The following FYB1 variants were observed in gnomAD, a reference collection of about 807,000 sequenced individuals.
The protein encoded by FYB1 is FYN binding protein 1.
In FYB1, 41 loss-of-function variants were observed where a neutral mutation model predicts 94.1. That is an observed-to-expected ratio of 0.44 (90% CI 0.34 to 0.57). The LOEUF (loss-of-function observed/expected upper bound fraction) is 0.57, where lower values mean the gene tolerates loss of function less well. FYB1 is among the 20% of genes least tolerant of loss of function. The pLI is 0.02. For synonymous variants in FYB1, 367 were observed against 353.2 expected (o/e 1.04, Z -0.44); for missense variants, 1,050 against 976.8 (o/e 1.07, Z -1.00).
At chr5:39,182,055 A>G (rs1344703702) in intron 2 of FYB1, among the ~76,000 whole-genome samples, 3 of 152,110 alleles carry the variant, frequency 2.0e-5, no homozygotes, top group African/African-American at 7.2e-5. Flanking sequence ...TTCTTCCCAA[A>G]CATCAAAACC....
rs1554034801 is a variant in FYB1 at position 39,185,613 on chromosome 5, T to TATATATACATATATACATATATATAC, written c.1135+16212_1135+16213insGTATATATATGTATATATGTATATAT. The stretch of plus-strand genomic sequence containing the variant: ...ATATATATACATATATATACACATA[T>TATATATACATATATACATATATATAC]ATATATATACACACATATATATATA... On this transcript the variant is annotated intron_variant, in intron 2 of 18. Transcript: ENST00000512982. Among the ~76,000 whole-genome samples, 969 of 145,376 alleles carry TATATATACATATATACATATATATAC rather than the reference T, an allele frequency of 6.7e-3. 11 individuals carry two copies. The highest frequency in any genetic ancestry group is 0.024 in the African/African-American group (914 of 38,652).
chr5:39,190,264 A>C (rs1747237358), intron 2 of FYB1, among the ~76,000 whole-genome samples: 1 of 152,240 alleles, frequency 6.6e-6, no homozygotes, highest in Admixed American at 6.5e-5. Context: ...GGTTGAAGGA[A>C]TAAAAAAGAA....
intron 2 of FYB1, among the ~76,000 whole-genome samples, chr5:39,165,861 A>G (rs1207036506): frequency 6.6e-6 from 1 of 152,252 alleles, no homozygotes. Flanking sequence ...TGTGGCCAAC[A>G]AGAATATGAA....
At chr5:39,140,383 C>T (rs905079239) in intron 4 of FYB1, among the ~76,000 whole-genome samples, 3 of 152,078 alleles carry the variant, frequency 2.0e-5, no homozygotes, top group African/African-American at 7.2e-5. Context: ...AAATAAAGTG[C>T]TCAAACTCAA....
At chr5:39,130,647 A>G in intron 9 of FYB1, 35 bp from the exon 10 acceptor site, 1 of 1,498,014 alleles carries the variant, frequency 6.7e-7, no homozygotes, top group African/African-American at 1.4e-5. Context: ...AAGTTAATCT[A>G]TGAATTACTT....
intron 1 of FYB1, among the ~76,000 whole-genome samples, chr5:39,237,529 A>G (rs1483013812): frequency 6.6e-6 from 1 of 152,082 alleles, no homozygotes; most frequent in Admixed American, 6.6e-5. Context: ...AATCAATAAG[A>G]TATCATCATT....
At chr5:39,223,259 C>A (rs939156009), upstream of FYB1, among the ~76,000 whole-genome samples, 2 of 151,860 alleles carry the variant, frequency 1.3e-5, no homozygotes, top group East Asian at 1.9e-4. Flanking sequence ...TTTAAGACAC[C>A]GTATAGTAGT....
At chr5:39,199,789 T>C (rs1239476356) in intron 2 of FYB1, among the ~76,000 whole-genome samples, 1 of 152,166 alleles carries the variant, frequency 6.6e-6, no homozygotes, top group Non-Finnish European at 1.5e-5. Flanking sequence ...GGGTTAAAGG[T>C]AGCTTCACTG....
intron 7 of FYB1, among the ~76,000 whole-genome samples, chr5:39,136,649 C>T (rs1030186701): frequency 5.3e-5 from 8 of 151,990 alleles, no homozygotes; most frequent in African/African-American, 1.9e-4. Flanking sequence ...AGTGAGAAGC[C>T]CAAGATCACA....
chr5:39,142,235 C>G (rs542560022), intron 3 of FYB1, among the ~76,000 whole-genome samples: 1 of 152,144 alleles, frequency 6.6e-6, no homozygotes, highest in Non-Finnish European at 1.5e-5. Context: ...TTGCGTTGTC[C>G]TTCTCCATAC....
In FYB1 at chr5:39,202,178, T is replaced by C. The variant is rs766888480; in HGVS notation, c.783A>G (p.Gly261=). The change falls in exon 2 of 19, where the codon GGA becomes GGG. Residue 261 remains glycine, a synonymous_variant. Coordinates refer to ENST00000512982, the MANE Select transcript of FYB1 (RefSeq NM_001465.6). ...TGCTCGCAGCAGGTTTCAAAACCAC[T>C]CCAGGAAAGGGCAAACTTGAAATCT... is the stretch of plus-strand genomic sequence containing the variant. ...AGEISSLPFP[G]VVLKPAASRG... is the part of the protein sequence containing the mutation. 4.3e-6 allele frequency: 7 copies of C among 1,614,022 alleles called. No individual in the cohort carries two copies. In the South Asian group the frequency reaches 4.4e-5, roughly 10 times the overall value.
At chr5:39,206,741 C>G (rs1480096804) in intron 1 of FYB1, among the ~76,000 whole-genome samples, 1 of 152,208 alleles carries the variant, frequency 6.6e-6, no homozygotes, top group Non-Finnish European at 1.5e-5. Flanking sequence ...CTAGTTCTCT[C>G]TAGAGGCAAT....
intron 1 of FYB1, among the ~76,000 whole-genome samples, chr5:39,241,163 G>C (rs950253747): frequency 4.6e-5 from 7 of 152,100 alleles, no homozygotes; most frequent in African/African-American, 1.4e-4. Flanking sequence ...CCTACTTGAG[G>C]ATAGGAGCTT....
intron 3 of FYB1, among the ~76,000 whole-genome samples, chr5:39,146,896 G>A (rs1299812693): frequency 6.6e-6 from 1 of 152,084 alleles, no homozygotes; most frequent in Non-Finnish European, 1.5e-5. Flanking sequence ...AGAATAAAAG[G>A]AAAAGAAATG....
At chr5:39,146,752 A>G (rs1742691115) in intron 3 of FYB1, among the ~76,000 whole-genome samples, 1 of 152,186 alleles carries the variant, frequency 6.6e-6, no homozygotes, top group Non-Finnish European at 1.5e-5. Context: ...GCCTGCACAC[A>G]TTTGTTTTAT....
At chr5:39,110,681 G>C (rs1334380767) in intron 16 of FYB1, 3 of 303,276 alleles carry the variant, frequency 9.9e-6, no homozygotes, top group African/African-American at 4.4e-5. Context: ...GCTACTGTAG[G>C]CTGTAGCACA....
chr5:39,232,055 G>A (rs537444574), intron 1 of FYB1, among the ~76,000 whole-genome samples: 230 of 152,068 alleles, frequency 1.5e-3, no homozygotes, highest in Admixed American at 2.6e-3. Flanking sequence ...CTGAGCTCTT[G>A]AGAAATAGGT....
In FYB1 at chr5:39,185,631, T is replaced by TATATACACAC. The variant is rs1554034817; in HGVS notation, c.1135+16194_1135+16195insGTGTGTATAT. On this transcript the variant is annotated intron_variant, in intron 2 of 18. Transcript: ENST00000512982. Reference sequence around the variant, plus strand: ...ACACATATATATATATACACACATATATATATATATACACACACACACATA... The same window carrying TATATACACAC: ...ACACATATATATATATACACACATATATATACACACATATATATATACACACACACACATA... 4.9e-3 allele frequency among the ~76,000 whole-genome samples: 727 copies of TATATACACAC among 147,152 alleles called. 8 individuals carry two copies. The highest frequency in any genetic ancestry group is 0.018 in the African/African-American group (704 of 39,922).
intron 1 of FYB1, among the ~76,000 whole-genome samples, chr5:39,273,892 C>T (rs975631997): frequency 1.3e-5 from 2 of 151,768 alleles, no homozygotes; most frequent in Non-Finnish European, 2.9e-5. Context: ...ATGATCATTA[C>T]TGAGAAGCAT....
Sources: gnomAD v4.1 joint callset for allele counts (sites outside exome capture counted in the v4.1 genomes callset) on GRCh38, gnomAD v4.1.1 for gene constraint, MANE v1.5 for transcripts, NCBI Gene and HGNC (gene_info 2026-07-23, HGNC 2026-07-21) for gene names.